The following ANKRD11 variants were observed in gnomAD, a reference collection of about 807,000 sequenced individuals.
ANKRD11 encodes ankyrin repeat domain-containing protein 11.
ANKRD11 carries 17 observed loss-of-function variants against 195.7 expected under a neutral mutation model. The ratio of observed to expected loss-of-function variants is 0.09; its 90% confidence interval spans 0.06 to 0.13. The LOEUF (loss-of-function observed/expected upper bound fraction) is 0.13, where lower values mean the gene tolerates loss of function less well. Among genes scored for constraint, ANKRD11 ranks in the 10% least tolerant of loss-of-function variants. The pLI is 1.00. For synonymous variants in ANKRD11, 1,953 were observed against 1,528.1 expected (o/e 1.28, Z -6.49); for missense variants, 3,735 against 3,566.1 (o/e 1.05, Z -1.21).
At chr16:89,448,172 G>C (rs1020010733) in intron 1 of ANKRD11, among the ~76,000 whole-genome samples, 4 of 151,862 alleles carry the variant, frequency 2.6e-5, no homozygotes, top group Non-Finnish European at 4.4e-5. Context: ...CTTGCAGACA[G>C]TGGGCACCCT....
intron 2 of ANKRD11, among the ~76,000 whole-genome samples, chr16:89,363,938 G>C (rs2039840034): frequency 6.6e-6 from 1 of 152,138 alleles, no homozygotes; most frequent in Non-Finnish European, 1.5e-5. Flanking sequence ...ATACATGCCT[G>C]CAGTCCCAGC....
At chr16:89,453,774 G>A (rs996933628) in intron 1 of ANKRD11, among the ~76,000 whole-genome samples, 1 of 152,196 alleles carries the variant, frequency 6.6e-6, no homozygotes, top group Non-Finnish European at 1.5e-5. Flanking sequence ...AGAACAGGAA[G>A]TATTACATGA....
At chr16:89,473,073 C>T (rs1476881886) in intron 1 of ANKRD11, among the ~76,000 whole-genome samples, 1 of 152,060 alleles carries the variant, frequency 6.6e-6, no homozygotes, top group Non-Finnish European at 1.5e-5. Flanking sequence ...CACCTGTGGT[C>T]CCAGCTACCC....
In ANKRD11 at chr16:89,279,170, T is replaced by C. The variant is rs554982441; in HGVS notation, c.7372A>G (p.Ile2458Val). ...IEEKRKILCCITPQAPQCYAE... is the reference protein window; with the variant it reads ...IEEKRKILCCVTPQAPQCYAE... The stretch of plus-strand genomic sequence containing the variant: ...TAGCACTGGGGCGCCTGCGGCGTGA[T>C]ACAGCACAGGATCTTGCGCTTCTCC... Residue 2458 changes from isoleucine to valine, a missense_variant, in exon 9 of 13, where the codon ATC (isoleucine) becomes GTC (valine). Ile to Val is a conservative substitution (Grantham distance 29). Coordinates refer to ENST00000301030, the MANE Select transcript of ANKRD11 (RefSeq NM_013275.6). The surrounding 1 kb of genome is among the most constrained non-coding windows in gnomAD (Gnocchi z 5.6). 37 of 1,613,022 alleles carry C rather than the reference T, an allele frequency of 2.3e-5. No homozygotes were observed. Among genetic ancestry groups the C allele is most frequent in the Non-Finnish European group, 3.1e-5 (36 of 1,179,948 alleles).
At chr16:89,387,911 G>A (rs1213384332) in intron 2 of ANKRD11, among the ~76,000 whole-genome samples, 1 of 149,994 alleles carries the variant, frequency 6.7e-6, no homozygotes, top group Admixed American at 6.7e-5. Flanking sequence ...TGGGGAGACT[G>A]AGGCAGGAGA....
intron 1 of ANKRD11, among the ~76,000 whole-genome samples, chr16:89,450,364 CG>C (rs746204289): frequency 9.2e-5 from 14 of 152,260 alleles, no homozygotes; most frequent in Middle Eastern, 3.4e-3. Context: ...AAGAATACAA[CG>C]AAGTATACCT....
At chr16:89,484,921 A>T (rs2057554870) in intron 1 of ANKRD11, among the ~76,000 whole-genome samples, 2 of 152,212 alleles carry the variant, frequency 1.3e-5, no homozygotes, top group Non-Finnish European at 2.9e-5. Flanking sequence ...CACAGATGCG[A>T]AGGACAGGCC....
chr16:89,313,148 G>A (rs769939822), intron 3 of ANKRD11, among the ~76,000 whole-genome samples: 5 of 152,164 alleles, frequency 3.3e-5, no homozygotes, highest in South Asian at 2.1e-4. Flanking sequence ...ACTGCTCGTC[G>A]GAGGACACAC....
intron 2 of ANKRD11, among the ~76,000 whole-genome samples, chr16:89,401,961 C>T (rs1050349249): frequency 3.4e-5 from 5 of 148,298 alleles, no homozygotes; most frequent in Non-Finnish European, 5.9e-5. Flanking sequence ...CCTCCAGCAC[C>T]GCAGAAGGAA....
At chr16:89,350,294 T>A (rs1267237989) in intron 2 of ANKRD11, among the ~76,000 whole-genome samples, 1 of 152,118 alleles carries the variant, frequency 6.6e-6, no homozygotes, top group Non-Finnish European at 1.5e-5. Flanking sequence ...AGTTAAACAT[T>A]CATGTAACAT....
chr16:89,286,614 G>C lies in ANKRD11; in HGVS notation c.745-428C>G, dbSNP rs1042120455. The C allele has an allele frequency of 2.6e-6, 3 of 1,171,948 alleles. No individual in the cohort carries two copies. The Admixed American group carries it at 1.0e-4, about 40-fold the overall frequency. 72.6% of individuals were successfully genotyped at this position (1,171,948 alleles called of 1,614,324 possible). Reference sequence around the variant, plus strand: ...CAGGCAAGAGGTTAGGGAGAAGAGTGTTATGGAAAGGGTTGGGGGGACAGA... The same window carrying C: ...CAGGCAAGAGGTTAGGGAGAAGAGTCTTATGGAAAGGGTTGGGGGGACAGA... On this transcript the variant is annotated intron_variant, in intron 7 of 12. Coordinates refer to ENST00000301030, the MANE Select transcript of ANKRD11 (RefSeq NM_013275.6).
At chr16:89,404,282 C>G (rs1356635672) in intron 2 of ANKRD11, among the ~76,000 whole-genome samples, 3 of 152,096 alleles carry the variant, frequency 2.0e-5, no homozygotes, top group Non-Finnish European at 2.9e-5. Context: ...CACTAAATCA[C>G]CAGCAAAGAC....
Position 89,398,560 on chromosome 16 carries a change from A to AT in ANKRD11, c.-60+19723dup, listed in dbSNP as rs544209852. 2.2e-4 allele frequency among the ~76,000 whole-genome samples: 34 copies of AT among 151,868 alleles called. 1 individual carries two copies. In the East Asian group the frequency reaches 3.5e-3, roughly 16 times the overall value. Reference sequence around the variant, plus strand: ...AGGGAGACCCCATCTCTTAAAAAAAATTTTTTTTTAACAAAACAATAAAAA... The same window carrying AT: ...AGGGAGACCCCATCTCTTAAAAAAAATTTTTTTTTTAACAAAACAATAAAAA... On this transcript the variant is annotated intron_variant, in intron 2 of 12. Coordinates refer to ENST00000301030, the MANE Select transcript of ANKRD11 (RefSeq NM_013275.6).
chr16:89,337,414 A>G (rs895048680), intron 2 of ANKRD11, among the ~76,000 whole-genome samples: 3 of 132,520 alleles, frequency 2.3e-5, no homozygotes, highest in Admixed American at 7.9e-5. Flanking sequence ...ATACATGAAC[A>G]TGGTCTAAGC....
intron 1 of ANKRD11, among the ~76,000 whole-genome samples, chr16:89,462,126 C>T (rs2056698608): frequency 6.8e-6 from 1 of 147,488 alleles, no homozygotes; most frequent in South Asian, 2.3e-4. Flanking sequence ...CCCTCTCATG[C>T]TGAGTCGAAG....
intron 1 of ANKRD11, among the ~76,000 whole-genome samples, chr16:89,489,444 C>T (rs2057736405): frequency 6.9e-6 from 1 of 145,802 alleles, no homozygotes; most frequent in Non-Finnish European, 1.5e-5. Context: ...CCCCACACGG[C>T]TGCCCGCATT....
intron 1 of ANKRD11, among the ~76,000 whole-genome samples, chr16:89,462,664 G>A (rs1002874805): frequency 1.3e-5 from 2 of 150,820 alleles, no homozygotes; most frequent in African/African-American, 2.4e-5. Context: ...AGGAAGTGAG[G>A]AGCGTCTCTG....
chr16:89,481,120 G>A (rs1012212928), intron 1 of ANKRD11, among the ~76,000 whole-genome samples: 2 of 152,046 alleles, frequency 1.3e-5, no homozygotes, highest in Non-Finnish European at 2.9e-5. Flanking sequence ...ACTAATGTTT[G>A]CCCCATTCCC....
chr16:89,436,722 C>T lies in ANKRD11; in HGVS notation c.-144-18354G>A, dbSNP rs547174294. ...AACACTGACAAGTCAACGGAGGACA[C>T]GCGAAAAACCAAAAAACTTTTACTA... On this transcript the variant is annotated intron_variant, in intron 1 of 12. Transcript: ENST00000301030. Among the ~76,000 whole-genome samples, 6 of 152,232 alleles carry T rather than the reference C, an allele frequency of 3.9e-5. No individual in the cohort carries two copies. In the East Asian group the frequency reaches 7.7e-4, roughly 20 times the overall value.
Sources: gnomAD v4.1 joint callset for allele counts (sites outside exome capture counted in the v4.1 genomes callset) on GRCh38, gnomAD v4.1.1 for gene constraint, Gnocchi (gnomAD v3.1) non-coding constraint, MANE v1.5 for transcripts, NCBI Gene and HGNC (gene_info 2026-07-23, HGNC 2026-07-21) for gene names.